DCC: variants seen among roughly 807,000 people sequenced by gnomAD.
DCC encodes the protein netrin receptor DCC.
DCC carries 58 observed loss-of-function variants against 172.5 expected under a neutral mutation model. The ratio of observed to expected loss-of-function variants is 0.34; its 90% CI spans 0.27 to 0.42. DCC has a LOEUF of 0.42. Ranked by LOEUF, DCC falls within the 10% of genes least tolerant of loss-of-function variation. DCC has a pLI of 1.00. For missense variants in DCC, 1,740 were observed against 1,791.0 expected, an observed-to-expected ratio of 0.97 and a Z score of 0.51; for synonymous variants, 709 against 644.5, an observed-to-expected ratio of 1.10 and a Z score of -1.52.
chr18:52,909,627 G>C (rs1196263825), intron 3 of DCC, among the ~76,000 whole-genome samples: 1 of 152,070 alleles, frequency 6.6e-6, no homozygotes, highest in East Asian at 1.9e-4. Context: ...AAGTAACTGA[G>C]GTCTATTAAA....
intron 1 of DCC, among the ~76,000 whole-genome samples, chr18:52,634,917 C>T (rs1215961755): frequency 3.3e-5 from 5 of 152,110 alleles, no homozygotes; most frequent in Non-Finnish European, 4.4e-5. Context: ...GAAACTACTC[C>T]AATAATTCAG....
intron 5 of DCC, among the ~76,000 whole-genome samples, chr18:53,052,353 T>C (rs981155673): frequency 6.6e-6 from 1 of 152,094 alleles, no homozygotes; most frequent in Non-Finnish European, 1.5e-5. Context: ...ATTAAGTTCT[T>C]TGTTTCTTAA....
chr18:52,640,379 G>A (rs1568268659), intron 1 of DCC, among the ~76,000 whole-genome samples: 1 of 152,112 alleles, frequency 6.6e-6, no homozygotes, highest in Non-Finnish European at 1.5e-5. Flanking sequence ...ACAAGAGAAA[G>A]AAATGAAGGG....
At chr18:52,971,511 GCACA>G (rs146688489) in intron 5 of DCC, among the ~76,000 whole-genome samples, 26 of 148,670 alleles carry the variant, frequency 1.7e-4, no homozygotes, top group African/African-American at 4.7e-4. Context: ...GTGTGTGCGC[GCACA>G]CACACACACA....
At chr18:52,868,049 A>G (rs1336914139) in intron 2 of DCC, among the ~76,000 whole-genome samples, 3 of 106,476 alleles carry the variant, frequency 2.8e-5, no homozygotes, top group South Asian at 5.5e-4. Context: ...ATATATATAT[A>G]TATATGTGTG....
At chr18:52,538,718 T>C (rs1279592452) in intron 1 of DCC, among the ~76,000 whole-genome samples, 3 of 152,182 alleles carry the variant, frequency 2.0e-5, no homozygotes, top group Admixed American at 2.0e-4. Flanking sequence ...TACTACAGTG[T>C]CCTGCTTTTC....
At chr18:52,659,298 A>C (rs1175130983) in intron 1 of DCC, among the ~76,000 whole-genome samples, 4 of 152,134 alleles carry the variant, frequency 2.6e-5, no homozygotes, top group Non-Finnish European at 4.4e-5. Context: ...ATACCATGAC[A>C]CTATCCTCCA....
chr18:52,875,813 A>G (rs962635615), intron 2 of DCC, among the ~76,000 whole-genome samples: 13 of 152,138 alleles, frequency 8.5e-5, no homozygotes, highest in Non-Finnish European at 1.6e-4. Flanking sequence ...TCTTCTCCCA[A>G]TTGAAGATAA....
intron 27 of DCC, 102 bp downstream of exon 27, chr18:53,499,612 T>C (rs554876527): frequency 1.0e-6 from 1 of 958,340 alleles, no homozygotes; most frequent in South Asian, 1.3e-5. Context: ...ATATATCTTT[T>C]CAATGCTGAT....
At chr18:53,429,052 T>TAA (rs1911393219) in intron 21 of DCC, among the ~76,000 whole-genome samples, 1 of 35,970 alleles carries the variant, frequency 2.8e-5, no homozygotes, top group Non-Finnish European at 7.7e-5. Context: ...ATATATAATA[T>TAA]ATTATATATT....
intron 2 of DCC, among the ~76,000 whole-genome samples, chr18:52,821,241 A>C (rs1419455901): frequency 2.6e-5 from 4 of 152,136 alleles, no homozygotes; most frequent in African/African-American, 9.7e-5. Context: ...TTGTTACCTG[A>C]GTGGCACCAC....
chr18:53,435,524 G>A lies in DCC; in HGVS notation c.3229+315G>A, dbSNP rs550556941. ...CTGTTAAATACCAAGATTTTTAAAT[G>A]TTACAATACATTTAAGATGTTTGCA... On this transcript the variant is annotated intron_variant, in intron 22 of 28. Transcript: ENST00000442544. Among the ~76,000 whole-genome samples, 7 of 152,212 alleles carry A rather than the reference G, an allele frequency of 4.6e-5. No homozygotes were observed. The South Asian group carries it at 1.5e-3, about 32-fold the overall frequency.
intron 5 of DCC, among the ~76,000 whole-genome samples, chr18:52,968,578 C>G (rs1162411265): frequency 6.6e-6 from 1 of 152,040 alleles, no homozygotes; most frequent in Non-Finnish European, 1.5e-5. Context: ...GCACAGACCT[C>G]AAGATAATGT....
chr18:52,842,438 A>T (rs937932723), intron 2 of DCC, among the ~76,000 whole-genome samples: 1 of 152,176 alleles, frequency 6.6e-6, no homozygotes, highest in African/African-American at 2.4e-5. Flanking sequence ...TCAGGTAGAA[A>T]GAATCTTCAA....
At chr18:53,430,707 G>A (rs367733745) in intron 21 of DCC, among the ~76,000 whole-genome samples, 318 of 152,162 alleles carry the variant, frequency 2.1e-3, no homozygotes, top group Non-Finnish European at 3.7e-3. Context: ...CTTAAGATTT[G>A]TACTTATTAT....
At chr18:52,644,076 T>C (rs756097230) in intron 1 of DCC, among the ~76,000 whole-genome samples, 1 of 152,014 alleles carries the variant, frequency 6.6e-6, no homozygotes, top group Non-Finnish European at 1.5e-5. Context: ...AATGACATAG[T>C]GTATTGTGTG....
chr18:53,094,184 C>A lies in DCC; in HGVS notation c.1261+28018C>A, dbSNP rs555240350. ...CCAGAGTATTTAAGCTTTTAGGATCCATTTGTGTTATATGATGAAAACAGA... is the reference window on the plus strand; with the variant it reads ...CCAGAGTATTTAAGCTTTTAGGATCAATTTGTGTTATATGATGAAAACAGA... On this transcript the variant is annotated intron_variant, in intron 7 of 28. Transcript: ENST00000442544. Among the ~76,000 whole-genome samples, 3 of 152,152 alleles carry A rather than the reference C, an allele frequency of 2.0e-5. No homozygotes were observed. The East Asian group carries it at 5.8e-4, about 29-fold the overall frequency.
At chr18:53,006,661 G>T (rs796244417) in intron 5 of DCC, among the ~76,000 whole-genome samples, 26 of 152,274 alleles carry the variant, frequency 1.7e-4, no homozygotes, top group African/African-American at 6.0e-4. Context: ...TGTTAGTTTT[G>T]ACTTATATAA....
chr18:52,942,605 A>G (rs908813698), intron 5 of DCC, among the ~76,000 whole-genome samples: 11 of 152,230 alleles, frequency 7.2e-5, no homozygotes, highest in African/African-American at 2.4e-4. Context: ...CAGTGGCAAA[A>G]GAGAAAGAGA....
Sources: gnomAD v4.1 joint callset for allele counts (sites outside exome capture counted in the v4.1 genomes callset) on GRCh38, gnomAD v4.1.1 for gene constraint, MANE v1.5 for transcripts, NCBI Gene and HGNC (gene_info 2026-07-23, HGNC 2026-07-21) for gene names.